USP43: variants seen among roughly 807,000 people sequenced by gnomAD.
USP43 encodes ubiquitin specific peptidase 43.
In USP43, 33 loss-of-function variants were observed where a neutral mutation model predicts 90.7. That is an observed-to-expected ratio of 0.36 (90% CI 0.28 to 0.49). The LOEUF is 0.49. USP43 is among the 20% of genes least tolerant of loss of function. The pLI, the probability that USP43 is intolerant of heterozygous loss-of-function variation, is 0.98. For missense variants in USP43, 1,274 were observed against 1,476.4 expected (o/e 0.86, Z 2.25); for synonymous variants, 598 against 615.8 (o/e 0.97, Z 0.43).
At chr17:9,717,086 G>A (rs1055532552) in intron 14 of USP43, among the ~76,000 whole-genome samples, 2 of 151,274 alleles carry the variant, frequency 1.3e-5, no homozygotes, top group African/African-American at 4.9e-5. Context: ...TTGAACCCAG[G>A]AGGTGGAGGT....
intron 12 of USP43, among the ~76,000 whole-genome samples, chr17:9,706,852 C>T (rs2151992396): frequency 6.6e-6 from 1 of 151,928 alleles, no homozygotes; most frequent in East Asian, 1.9e-4. Flanking sequence ...ACTGTGTTAG[C>T]CAGGCTGGTC....
rs541743368 is a variant in USP43, at chr17:9,653,081, T to C, written c.505-3322T>C. ...ATACAGACATCTCTGGTTGTATCTC[T>C]CATTTCCTAAGGCAAAATCACCAAA... On this transcript the variant is annotated intron_variant, in intron 1 of 14. Transcript: ENST00000285199. Among the ~76,000 whole-genome samples the C allele has an allele frequency of 2.9e-4, 44 of 152,344 alleles. No individual in the cohort carries two copies. In the South Asian group the frequency reaches 8.7e-3, roughly 30 times the overall value.
In USP43 at chr17:9,657,594, G is replaced by C. The variant is rs138299581; in HGVS notation, c.636+1060G>C. Among the ~76,000 whole-genome samples the C allele has an allele frequency of 3.4e-3, 512 of 152,190 alleles. 3 individuals carry two copies. Among genetic ancestry groups the C allele is most frequent in the African/African-American group, 0.012 (485 of 41,522 alleles). ...ATTGACTTACAGTTCCACATGGCTGGGGAGGCCTCAGGAAACTTACAATCA... is the reference window on the plus strand; with the variant it reads ...ATTGACTTACAGTTCCACATGGCTGCGGAGGCCTCAGGAAACTTACAATCA... On this transcript the variant is annotated intron_variant, in intron 2 of 14. Transcript: ENST00000285199.
intron 5 of USP43, 119 bp from the exon 6 acceptor site, chr17:9,680,112 A>G (rs890549149): frequency 1.9e-6 from 2 of 1,072,550 alleles, no homozygotes; most frequent in Non-Finnish European, 1.3e-6. Flanking sequence ...ACTAAAAATA[A>G]GTAGCCAATT....
chr17:9,721,253 C>T (rs1209637203), intron 14 of USP43, among the ~76,000 whole-genome samples: 2 of 152,142 alleles, frequency 1.3e-5, no homozygotes, highest in Non-Finnish European at 2.9e-5. Context: ...TGATAAGTTT[C>T]CTCTATGGCT....
rs571694868 is a variant in USP43 at position 9,662,320 on chromosome 17, G to A, written c.637-4328G>A. 5.9e-5 allele frequency among the ~76,000 whole-genome samples: 9 copies of A among 152,268 alleles called. No homozygotes were observed. The East Asian group carries it at 1.7e-3, about 29-fold the overall frequency. On this transcript the variant is annotated intron_variant, in intron 2 of 14. Transcript: ENST00000285199. ...AGGCTAGGGTCCGCTATGCATCCAA[G>A]TTACCTCCTCCAAGTGCCCTTCCCC...
intron 1 of USP43, among the ~76,000 whole-genome samples, chr17:9,649,462 T>C (rs1490654135): frequency 6.6e-6 from 1 of 152,094 alleles, no homozygotes; most frequent in East Asian, 1.9e-4. Flanking sequence ...TGAGCTTCTC[T>C]TGGCCCTGTC....
intron 1 of USP43, among the ~76,000 whole-genome samples, chr17:9,648,938 C>CCTCTCTTTCTCTCTCTCTCTCTCTCT (rs1458953870): frequency 1.5e-5 from 2 of 129,816 alleles, no homozygotes; most frequent in African/African-American, 6.3e-5. Context: ...TGTCTCTCTC[C>CCTCTCTTTCTCTCTCTCTCTCTCTCT]CTCTCTCTCT....
chr17:9,710,050 T>G lies in USP43; in HGVS notation c.2106T>G (p.Ala702=), dbSNP rs368374779. ...LREDEVNTRG[A]YILFYQKRNS... is the part of the protein sequence containing the mutation. ...AAGATGAGGTCAACACCAGAGGGGCTTATATCCTGTTCTATCAGAAGCGGA... is the reference window on the plus strand; with the variant it reads ...AAGATGAGGTCAACACCAGAGGGGCGTATATCCTGTTCTATCAGAAGCGGA... Residue 702 remains alanine, a synonymous_variant, in exon 13 of 15, where the codon GCT becomes GCG. Coordinates refer to ENST00000285199, the MANE Select transcript of USP43 (RefSeq NM_153210.5). 7.5e-5 allele frequency: 118 copies of G among 1,570,000 alleles called. No individual in the cohort carries two copies. The Middle Eastern group carries it at 4.6e-3, about 61-fold the overall frequency.
intron 14 of USP43, among the ~76,000 whole-genome samples, chr17:9,719,234 G>A (rs1317220524): frequency 3.3e-5 from 5 of 152,140 alleles, no homozygotes; most frequent in African/African-American, 7.2e-5. Flanking sequence ...TCTGTTTAAC[G>A]GCAAAGTACC....
Position 9,682,890 on chromosome 17 carries a change from T to G in USP43, c.1173T>G (p.Ser391=). The change falls in exon 7 of 15, where the codon TCT becomes TCG. Residue 391 remains serine, a synonymous_variant. Coordinates refer to ENST00000285199, the MANE Select transcript of USP43 (RefSeq NM_153210.5). ...GTGAGGGCCAGCGATTCTCCCTCTC[T>G]CTCCACAGTGAGAGCAAGGTGCTAA... is the stretch of plus-strand genomic sequence containing the variant. ...AAREGQRFSL[S]LHSESKVLIL... 1 of 1,614,024 alleles carries G rather than the reference T, an allele frequency of 6.2e-7. No homozygotes were observed. Among genetic ancestry groups the G allele is most frequent in the Non-Finnish European group, 8.5e-7 (1 of 1,179,890 alleles).
rs765673555 is a variant in USP43, at chr17:9,686,938, T to C, written c.1353+29T>C. ...AGTGGTGTGCATGCGTGTGTGTGTG[T>C]GTGCGTGCATGCGCATGTGCATGCG... On this transcript the variant is annotated intron_variant, in intron 8 of 14. Coordinates refer to ENST00000285199, the MANE Select transcript of USP43 (RefSeq NM_153210.5). This position sits in a 1 kb window ranked among gnomAD's most constrained non-coding sequence, Gnocchi z 5.5. 47 of 1,580,934 alleles carry C rather than the reference T, an allele frequency of 3.0e-5. No individual in the cohort carries two copies. In the African/African-American group the frequency reaches 4.7e-4, roughly 16 times the overall value.
intron 14 of USP43, among the ~76,000 whole-genome samples, chr17:9,717,026 C>G (rs1046775456): frequency 3.9e-5 from 6 of 152,028 alleles, no homozygotes; most frequent in Admixed American, 1.3e-4. Context: ...ATCTGAGCTA[C>G]TCAGGAGGCT....
At chr17:9,671,876 A>C (rs747090792) in intron 3 of USP43, among the ~76,000 whole-genome samples, 1 of 152,274 alleles carries the variant, frequency 6.6e-6, no homozygotes, top group East Asian at 1.9e-4. Context: ...CTGCCTCTCC[A>C]TCTTCTTCAG....
intron 2 of USP43, 52 bp from the exon 3 acceptor site, chr17:9,666,596 T>C (rs1458367679): frequency 1.4e-6 from 2 of 1,453,346 alleles, no homozygotes; most frequent in African/African-American, 2.8e-5. Context: ...TGGAAGCAGT[T>C]GAGTGATGAG....
At chr17:9,718,840 CA>C (rs1271650142) in intron 14 of USP43, among the ~76,000 whole-genome samples, 1 of 150,438 alleles carries the variant, frequency 6.6e-6, no homozygotes, top group Non-Finnish European at 1.5e-5. Flanking sequence ...AACTCCGTCT[CA>C]AAAAAAAGAA....
Position 9,645,594 on chromosome 17 carries a change from C to T in USP43, c.-39C>T, listed in dbSNP as rs1911313879. ...CTGCTGGCCGCTCGTCCGCCTCGCG[C>T]CCGGGGGCTCCGCGCCTGGAGCTGC... On this transcript the variant is annotated 5_prime_UTR_variant, in exon 1 of 15. Coordinates refer to ENST00000285199, the MANE Select transcript of USP43 (RefSeq NM_153210.5). This position sits in a 1 kb window ranked among gnomAD's most constrained non-coding sequence, Gnocchi z 6.8. 2.5e-6 allele frequency: 3 copies of T among 1,180,198 alleles called. No homozygotes were observed. Among genetic ancestry groups the T allele is most frequent in the Admixed American group, 4.6e-5 (1 of 21,914 alleles). The allele number at this position is 1,180,198 out of a possible 1,614,324, so 73.1% of individuals were successfully genotyped here. A position where few individuals can be genotyped will look rare whatever the true frequency, so the allele number is the denominator to read the frequency against.
rs1339609110 is a variant in USP43, at chr17:9,681,208, A to G, written c.1105+842A>G. ...TACTATATAATATATACTATATAAT[A>G]TATACATTATATAGAATATATTATA... On this transcript the variant is annotated intron_variant, in intron 6 of 14. Coordinates refer to ENST00000285199, the MANE Select transcript of USP43 (RefSeq NM_153210.5). 2.3e-3 allele frequency among the ~76,000 whole-genome samples: 137 copies of G among 60,690 alleles called. 1 individual carries two copies. Among genetic ancestry groups the G allele is most frequent in the Non-Finnish European group, 3.1e-3 (119 of 38,138 alleles). 39.8% of individuals were successfully genotyped at this position (60,690 alleles called of 152,430 possible).
At chr17:9,658,010 G>T (rs931159608) in intron 2 of USP43, among the ~76,000 whole-genome samples, 1 of 152,192 alleles carries the variant, frequency 6.6e-6, no homozygotes, top group Non-Finnish European at 1.5e-5. Flanking sequence ...TAGAAGAAAA[G>T]TTTCATGAGC....
Sources: allele counts gnomAD v4.1 joint callset (sites outside exome capture counted in the v4.1 genomes callset), GRCh38; gene constraint gnomAD v4.1.1; non-coding constraint Gnocchi (gnomAD v3.1); transcripts MANE v1.5; gene names NCBI Gene and HGNC (gene_info 2026-07-23, HGNC 2026-07-21).